CTNNA1: variants seen among roughly 807,000 people sequenced by gnomAD.
CTNNA1 encodes the protein catenin alpha-1.
CTNNA1 carries 37 observed loss-of-function variants against 98.4 expected under a neutral mutation model. That is an observed-to-expected ratio of 0.38 (90% CI 0.29 to 0.49). The LOEUF (loss-of-function observed/expected upper bound fraction) is 0.49. Ranked by LOEUF, CTNNA1 falls within the 20% of genes least tolerant of loss-of-function variation. The probability of loss-of-function intolerance (pLI) is 0.95; values close to 1 mark genes in which losing one functional copy is unlikely to be tolerated. For missense variants in CTNNA1, 761 were observed against 1,147.2 expected (o/e 0.66, Z 4.86); for synonymous variants, 404 against 413.2 (o/e 0.98, Z 0.27).
chr5:138,849,452 C>T (rs180909264), intron 7 of CTNNA1, among the ~76,000 whole-genome samples: 23 of 152,190 alleles, frequency 1.5e-4, no homozygotes, highest in Admixed American at 3.9e-4. Flanking sequence ...AAAACAAAGA[C>T]GGTAGGACAG....
chr5:138,859,780 C>T (rs951069331), intron 7 of CTNNA1, among the ~76,000 whole-genome samples: 1 of 152,050 alleles, frequency 6.6e-6, no homozygotes, highest in African/African-American at 2.4e-5. Context: ...TGGTGCCATG[C>T]ACCTGTAGTC....
chr5:138,782,140 GT>G, intron 2 of CTNNA1, 111 bp downstream of exon 2: 1 of 1,011,142 alleles, frequency 9.9e-7, no homozygotes, highest in Non-Finnish European at 1.5e-6. Flanking sequence ...CAGTACTTGA[GT>G]TTAGGTGACA....
chr5:138,824,713 G>A lies in CTNNA1; in HGVS notation c.772G>A (p.Ala258Thr), dbSNP rs1581167987. The change falls in exon 6 of 18, where the codon GCA becomes ACA. Residue 258 changes from alanine to threonine, a missense_variant. Physicochemically the swap from Ala to Thr is moderately conservative, Grantham distance 58. Around this residue, in one of 6 missense-constraint regions of CTNNA1, gnomAD observed 328 missense variants for 354.3 expected, o/e 0.93. Transcript: ENST00000302763. The stretch of plus-strand genomic sequence containing the variant: ...GCAGGCGGTCACAGGCATTTCCAAT[G>A]CAGCCCAGGCCACTGCCTCAGACGA... Reference protein sequence around the residue: ...LQQAVTGISNAAQATASDDAS... With the variant: ...LQQAVTGISNTAQATASDDAS... The A allele has an allele frequency of 1.2e-6, 2 of 1,614,230 alleles. No individual in the cohort carries two copies. The highest frequency in any genetic ancestry group is 1.1e-5 in the South Asian group (1 of 91,086).
chr5:138,915,817 C>G (rs926264100), intron 10 of CTNNA1, among the ~76,000 whole-genome samples: 1 of 152,114 alleles, frequency 6.6e-6, no homozygotes, highest in African/African-American at 2.4e-5. Context: ...TGCCTGTAAT[C>G]CGAGCACTTT....
intron 3 of CTNNA1, among the ~76,000 whole-genome samples, chr5:138,808,476 C>T (rs571381343): frequency 6.6e-6 from 1 of 152,052 alleles, no homozygotes; most frequent in African/African-American, 2.4e-5. Flanking sequence ...CCAGGAAAAC[C>T]TTTTAACTAT....
At chr5:138,766,809 T>C (rs1752986252) in intron 1 of CTNNA1, among the ~76,000 whole-genome samples, 1 of 152,016 alleles carries the variant, frequency 6.6e-6, no homozygotes, top group African/African-American at 2.4e-5. Flanking sequence ...CTTGTGAAAA[T>C]GCAGCTCTGG....
rs1766148552 is a variant in CTNNA1, at chr5:138,934,616, C to G, written c.*527C>G. 1 of 153,436 alleles carries G rather than the reference C, an allele frequency of 6.5e-6. No homozygotes were observed. Among genetic ancestry groups the G allele is most frequent in the African/African-American group, 2.4e-5 (1 of 41,430 alleles). 9.5% of individuals were successfully genotyped at this position (153,436 alleles called of 1,614,324 possible). A position where few individuals can be genotyped will look rare whatever the true frequency, so the allele number is the denominator to read the frequency against. ...AAAACATAATGTATCATGAAGAAAA[C>G]TGATTCTCTATGACATGAAATGAAA... On this transcript the variant is annotated 3_prime_UTR_variant, in exon 18 of 18. Transcript: ENST00000302763.
chr5:138,795,582 A>C (rs556898489), intron 3 of CTNNA1, among the ~76,000 whole-genome samples: 1 of 152,368 alleles, frequency 6.6e-6, no homozygotes, highest in African/African-American at 2.4e-5. Flanking sequence ...AAAGCACCAA[A>C]AAGTAACTTT....
intron 7 of CTNNA1, among the ~76,000 whole-genome samples, chr5:138,848,989 T>C (rs1237537068): frequency 6.6e-6 from 1 of 152,198 alleles, no homozygotes; most frequent in Non-Finnish European, 1.5e-5. Context: ...CCCAAATTGC[T>C]GGGATTACAG....
intron 1 of CTNNA1, among the ~76,000 whole-genome samples, chr5:138,756,642 T>G (rs570963516): frequency 6.6e-6 from 1 of 152,254 alleles, no homozygotes; most frequent in Admixed American, 6.5e-5. Context: ...CTTGTATAGC[T>G]TGGGTACTTT....
At chr5:138,836,322 A>G (rs556838883) in intron 7 of CTNNA1, among the ~76,000 whole-genome samples, 1 of 152,332 alleles carries the variant, frequency 6.6e-6, no homozygotes, top group East Asian at 1.9e-4. Flanking sequence ...ACTTAGTATA[A>G]TGCCCTCCAA....
At chr5:138,904,709 C>G (rs1758799461) in intron 10 of CTNNA1, 1 of 337,088 alleles carries the variant, frequency 3.0e-6, no homozygotes, top group African/African-American at 2.1e-5. Context: ...GTAATCGCAG[C>G]ACTTTGGGAT....
chr5:138,788,423 A>T (rs762476156), intron 3 of CTNNA1, among the ~76,000 whole-genome samples: 10 of 152,118 alleles, frequency 6.6e-5, no homozygotes, highest in South Asian at 2.1e-4. Context: ...TGTTTTTTTT[A>T]AAAAATTGAG....
chr5:138,769,785 G>A (rs1291380532), intron 1 of CTNNA1, among the ~76,000 whole-genome samples: 1 of 151,954 alleles, frequency 6.6e-6, no homozygotes, highest in African/African-American at 2.4e-5. Context: ...CGCCCGCCTC[G>A]GCCTCCCAAA....
intron 11 of CTNNA1, among the ~76,000 whole-genome samples, chr5:138,923,723 G>A (rs1030491046): frequency 3.3e-5 from 5 of 152,130 alleles, no homozygotes; most frequent in Admixed American, 2.6e-4. Context: ...GGAGATTTTG[G>A]TTGCTTTCAC....
intron 1 of CTNNA1, among the ~76,000 whole-genome samples, chr5:138,755,501 A>G (rs1156459711): frequency 1.1e-4 from 16 of 152,072 alleles, no homozygotes. Flanking sequence ...TTCTTTCCAA[A>G]GTATCTTTGT....
At chr5:138,832,033 AG>A (rs1761322275) in intron 7 of CTNNA1, among the ~76,000 whole-genome samples, 1 of 152,242 alleles carries the variant, frequency 6.6e-6, no homozygotes, top group South Asian at 2.1e-4. Flanking sequence ...TTCACTATAC[AG>A]ATGACATTTG....
chr5:138,764,091 A>C (rs1183787869), intron 1 of CTNNA1, among the ~76,000 whole-genome samples: 8 of 152,250 alleles, frequency 5.3e-5, no homozygotes, highest in Admixed American at 1.3e-4. Context: ...AGTCTGAGGC[A>C]GGAGAATTGC....
chr5:138,930,798 A>G (rs776414177), intron 15 of CTNNA1, 32 bp from the exon 16 acceptor site: 59 of 1,546,510 alleles, frequency 3.8e-5, no homozygotes, highest in Non-Finnish European at 5.2e-5. Context: ...GGCTTCACAT[A>G]CAATAATCCT....
Sources: gnomAD v4.1 joint callset for allele counts (sites outside exome capture counted in the v4.1 genomes callset) on GRCh38, gnomAD v4.1.1 for gene constraint, gnomAD v4.1.1 regional missense constraint, MANE v1.5 for transcripts, NCBI Gene and HGNC (gene_info 2026-07-23, HGNC 2026-07-21) for gene names.